Variants in MDFIC2 observed in about 807,000 individuals in gnomAD.
MDFIC2 encodes the protein myoD family inhibitor domain-containing protein 2.
intron 2 of MDFIC2, among the ~76,000 whole-genome samples, chr3:70,262,421 T>C (rs1358318670): frequency 6.6e-6 from 1 of 152,208 alleles, no homozygotes; most frequent in Non-Finnish European, 1.5e-5. Flanking sequence ...AAGATGCGGA[T>C]GCATTCTTAA....
At chr3:70,268,826 C>T (rs1701948083) in intron 2 of MDFIC2, among the ~76,000 whole-genome samples, 1 of 152,046 alleles carries the variant, frequency 6.6e-6, no homozygotes, top group South Asian at 2.1e-4. Flanking sequence ...ACAAACTATT[C>T]TTACTAAATA....
intron 2 of MDFIC2, among the ~76,000 whole-genome samples, chr3:70,296,655 A>G (rs1007099708): frequency 2.0e-5 from 3 of 152,112 alleles, no homozygotes; most frequent in African/African-American, 7.2e-5. Context: ...CCATTCCCAC[A>G]GCCAATTACC....
chr3:70,299,140 CATAGGTA>C (rs1702320378), intron 2 of MDFIC2, among the ~76,000 whole-genome samples: 1 of 152,082 alleles, frequency 6.6e-6, no homozygotes, highest in South Asian at 2.1e-4. Flanking sequence ...AATATCCAAA[CATAGGTA>C]ATTGGTTACA....
intron 2 of MDFIC2, among the ~76,000 whole-genome samples, chr3:70,253,511 T>C (rs189437225): frequency 6.6e-6 from 1 of 152,300 alleles, no homozygotes; most frequent in East Asian, 1.9e-4. Flanking sequence ...CCCAGCACTT[T>C]GGGAGGCCAA....
intron 2 of MDFIC2, among the ~76,000 whole-genome samples, chr3:70,214,584 C>A (rs529389687): frequency 3.8e-4 from 54 of 142,302 alleles, no homozygotes; most frequent in African/African-American, 1.3e-3. Context: ...AAAGCAACTT[C>A]AATTTTTGGG....
intron 2 of MDFIC2, among the ~76,000 whole-genome samples, chr3:70,225,212 A>G (rs1315010775): frequency 6.6e-6 from 1 of 152,168 alleles, no homozygotes; most frequent in African/African-American, 2.4e-5. Context: ...TTGGTTTAAT[A>G]AGAGAAATGT....
At chr3:70,277,183 G>A (rs1159811017) in intron 2 of MDFIC2, among the ~76,000 whole-genome samples, 1 of 152,138 alleles carries the variant, frequency 6.6e-6, no homozygotes, top group Non-Finnish European at 1.5e-5. Flanking sequence ...GATTGAGAAG[G>A]CTGGAACAAT....
chr3:70,237,761 T>G (rs1217437604), intron 2 of MDFIC2, among the ~76,000 whole-genome samples: 1 of 152,202 alleles, frequency 6.6e-6, no homozygotes, highest in African/African-American at 2.4e-5. Context: ...ATAATGTGCA[T>G]GTGTTATGAT....
At chr3:70,197,403 A>G (rs1701193192) in intron 3 of MDFIC2, among the ~76,000 whole-genome samples, 1 of 152,112 alleles carries the variant, frequency 6.6e-6, no homozygotes, top group African/African-American at 2.4e-5. Flanking sequence ...AGCATTTCCT[A>G]TTGATTCGAC....
Position 70,288,212 on chromosome 3 carries a change from C to G in MDFIC2, c.88+23674G>C, listed in dbSNP as rs1247675486. On this transcript the variant is annotated intron_variant, in intron 2 of 3. Coordinates refer to ENST00000567252, the MANE Select transcript of MDFIC2 (RefSeq NM_001364677.1). Reference sequence around the variant, plus strand: ...TGGGCATTTAGTGCTATAAATTTCCCTCTACACACTGCTTTGAATGCATCC... The same window carrying G: ...TGGGCATTTAGTGCTATAAATTTCCGTCTACACACTGCTTTGAATGCATCC... 2.1e-4 allele frequency among the ~76,000 whole-genome samples: 28 copies of G among 136,312 alleles called. No homozygotes were observed. The Admixed American group carries it at 2.1e-3, about 10-fold the overall frequency. 89.4% of individuals were successfully genotyped at this position (136,312 alleles called of 152,430 possible). A position where few individuals can be genotyped will look rare whatever the true frequency, so the allele number is the denominator to read the frequency against.
intron 2 of MDFIC2, among the ~76,000 whole-genome samples, chr3:70,278,351 C>T (rs571655546): frequency 2.0e-5 from 3 of 152,072 alleles, no homozygotes; most frequent in Non-Finnish European, 4.4e-5. Context: ...AGGCTGTTCC[C>T]AGTAGTTGGA....
intron 2 of MDFIC2, among the ~76,000 whole-genome samples, chr3:70,310,272 CCTA>C (rs1345176996): frequency 6.6e-6 from 1 of 151,944 alleles, no homozygotes; most frequent in Non-Finnish European, 1.5e-5. Context: ...GAGATAATGT[CCTA>C]CTATTAAAAT....
At chr3:70,223,940 G>A (rs1374542250) in intron 2 of MDFIC2, among the ~76,000 whole-genome samples, 1 of 151,386 alleles carries the variant, frequency 6.6e-6, no homozygotes, top group Non-Finnish European at 1.5e-5. Context: ...CCACCCTTTT[G>A]GTTTTGTTTC....
intron 2 of MDFIC2, among the ~76,000 whole-genome samples, chr3:70,310,993 G>A (rs1702449164): frequency 2.0e-5 from 3 of 151,886 alleles, no homozygotes. Flanking sequence ...TGCTTCACAG[G>A]GTTGTCATGA....
At chr3:70,244,311 GAC>G (rs1484240742) in intron 2 of MDFIC2, among the ~76,000 whole-genome samples, 1 of 152,156 alleles carries the variant, frequency 6.6e-6, no homozygotes, top group Non-Finnish European at 1.5e-5. Context: ...CTGCAGTGTA[GAC>G]TTTTTCATGT....
At chr3:70,274,153 A>G (rs1702000341) in intron 2 of MDFIC2, among the ~76,000 whole-genome samples, 2 of 151,268 alleles carry the variant, frequency 1.3e-5, no homozygotes, top group African/African-American at 4.9e-5. Flanking sequence ...ATAATGTGAA[A>G]TTATACTCTC....
At chr3:70,265,936 C>G (rs536583020) in intron 2 of MDFIC2, among the ~76,000 whole-genome samples, 24 of 152,258 alleles carry the variant, frequency 1.6e-4, no homozygotes, top group African/African-American at 5.8e-4. Flanking sequence ...ATCCAGTTAC[C>G]TCCACCTGGT....
intron 2 of MDFIC2, among the ~76,000 whole-genome samples, chr3:70,237,979 C>CTTTATTTTTTTTTTTTTTTT (rs1701627930): frequency 2.0e-5 from 1 of 48,932 alleles, no homozygotes; most frequent in African/African-American, 1.1e-4. Flanking sequence ...TGAGTGGTAT[C>CTTTATTTTTTTTTTTTTTTT]TTTTTTTTTT....
intron 3 of MDFIC2, among the ~76,000 whole-genome samples, chr3:70,204,045 A>T (rs1701267726): frequency 6.6e-6 from 1 of 152,200 alleles, no homozygotes; most frequent in Non-Finnish European, 1.5e-5. Flanking sequence ...CAGAGCACAC[A>T]CCATGAACTG....
Sources: gnomAD v4.1 joint callset for allele counts (sites outside exome capture counted in the v4.1 genomes callset) on GRCh38, gnomAD v4.1.1 for gene constraint, MANE v1.5 for transcripts, NCBI Gene and HGNC (gene_info 2026-07-23, HGNC 2026-07-21) for gene names.